The following NPPB variants were observed in gnomAD, a reference collection of about 807,000 sequenced individuals.
NPPB encodes the protein natriuretic peptides B.
A neutral mutation model predicts 12.7 loss-of-function variants in NPPB; 13 were observed. The ratio of observed to expected loss-of-function variants is 1.03; its 90% CI spans 0.67 to 1.63. NPPB has a LOEUF of 1.63. Among genes scored for constraint, NPPB ranks in the 40% most tolerant of loss-of-function variants. NPPB has a pLI of 0.00. For missense variants in NPPB, 184 were observed against 172.9 expected, an observed-to-expected ratio of 1.06 and a Z score of -0.36; for synonymous variants, 66 against 74.7, an observed-to-expected ratio of 0.88 and a Z score of 0.60.
Position 11,858,861 on chromosome 1 carries a change from G to A in NPPB, c.-28C>T, listed in dbSNP as rs78453499. The A allele has an allele frequency of 1.2e-6, 2 of 1,610,238 alleles. No individual in the cohort carries two copies. Among genetic ancestry groups the A allele is most frequent in the South Asian group, 1.1e-5 (1 of 91,024 alleles). ...CTCTGGAGGGACTGCGGAGGCTGCT[G>A]CTGCTGCTTCTGCTGCTGCTGCTGC... is the stretch of plus-strand genomic sequence containing the variant. On this transcript the variant is annotated 5_prime_UTR_variant, in exon 1 of 3. Coordinates refer to ENST00000376468, the MANE Select transcript of NPPB (RefSeq NM_002521.3).
In NPPB at chr1:11,858,803, G is replaced by A. The variant is rs1645136249; in HGVS notation, c.31C>T (p.Leu11Phe). 1 of 1,614,106 alleles carries A rather than the reference G, an allele frequency of 6.2e-7. No homozygotes were observed. The highest frequency in any genetic ancestry group is 1.3e-5 in the African/African-American group (1 of 74,936). ...AGATGCAAGAAGAGCAGGAGCAGGA[G>A]CGCCCGGGAAGGTGCTGTCTGGGGA... Reference protein sequence around the residue: MDPQTAPSRALLLLLFLHLAF... With the variant: MDPQTAPSRAFLLLLFLHLAF... The change falls in exon 1 of 3, where the codon CTC becomes TTC. Residue 11 changes from leucine to phenylalanine, a missense_variant. By Grantham distance (22) the Leu-to-Phe change is conservative (BLOSUM62 0). Transcript: ENST00000376468.
rs755267902 is a variant in NPPB at position 11,858,434 on chromosome 1, C to T, written c.168G>A (p.Glu56=). ...CCAGGGATGTCTGCTCCACCTGCAG[C>T]TCCGACAGTTTGCCCTGCAAATGGT... ...QRNHLQGKLS[E]LQVEQTSLEP... The change falls in exon 2 of 3, where the codon GAG becomes GAA. Residue 56 remains glutamate, a synonymous_variant. Coordinates refer to ENST00000376468, the MANE Select transcript of NPPB (RefSeq NM_002521.3). 1 of 1,549,048 alleles carries T rather than the reference C, an allele frequency of 6.5e-7. No individual in the cohort carries two copies. Among genetic ancestry groups the T allele is most frequent in the Non-Finnish European group, 8.7e-7 (1 of 1,147,524 alleles).
chr1:11,858,308 C>A lies in NPPB; in HGVS notation c.294G>T (p.Leu98=). 6.2e-7 allele frequency: 1 copy of A among 1,614,126 alleles called. No homozygotes were observed. Among genetic ancestry groups the A allele is most frequent in the Non-Finnish European group, 8.5e-7 (1 of 1,179,986 alleles). The stretch of plus-strand genomic sequence containing the variant: ...CCATCTTGGGGCTTCGTGGTGCCCG[C>A]AGGGTGTAGAGGACCATTTTGCGGT... ...RGHRKMVLYT[L]RAPRSPKMVQ... Residue 98 remains leucine (L), a synonymous_variant, in exon 2 of 3, where the codon CTG becomes CTT. Transcript: ENST00000376468.
At chr1:11,858,526 T>C (rs1645134907) in intron 1 of NPPB, 57 bp from the exon 2 acceptor site, 1 of 1,541,884 alleles carries the variant, frequency 6.5e-7, no homozygotes, top group African/African-American at 1.4e-5. Context: ...TCACCAGCCC[T>C]TCATGGCACC....
At chr1:11,858,655 C>T (rs574844256) in intron 1 of NPPB, 47 bp downstream of exon 1, 2 of 1,613,758 alleles carry the variant, frequency 1.2e-6, no homozygotes, top group East Asian at 2.2e-5. Flanking sequence ...GGTGAGGACC[C>T]TTTCATTGCT....
Position 11,858,160 on chromosome 1 carries a change from C to CTT in NPPB, c.388+53_388+54insAA. 3 of 1,485,538 alleles carry CTT rather than the reference C, an allele frequency of 2.0e-6. No homozygotes were observed. The South Asian group carries it at 3.9e-5, about 19-fold the overall frequency. 92.0% of individuals were successfully genotyped at this position (1,485,538 alleles called of 1,614,324 possible). On this transcript the variant is annotated intron_variant, in intron 2 of 2. Transcript: ENST00000376468. The stretch of plus-strand genomic sequence containing the variant: ...ACAACAAACCCCAAAGTGACTCTAA[C>CTT]AGTGTCACACACTGGAATGGGGGAA...
rs778299284 is a variant in NPPB, at chr1:11,858,280, G to A, written c.322C>T (p.Gln108Ter). ...LRAPRSPKMV[Q>*]GSGCFGRKMD... ...TTCCTCCCAAAGCAGCCAGACCCTT[G>A]CACCATCTTGGGGCTTCGTGGTGCC... The change falls in exon 2 of 3, where the codon CAA becomes TAA. Residue 108 changes from glutamine to a stop codon, truncating the protein, a stop_gained. Coordinates refer to ENST00000376468, the MANE Select transcript of NPPB (RefSeq NM_002521.3). LOFTEE classifies it high-confidence loss of function. 5 of 1,613,984 alleles carry A rather than the reference G, an allele frequency of 3.1e-6. No individual in the cohort carries two copies. The Admixed American group carries it at 6.7e-5, about 22-fold the overall frequency.
At chr1:11,857,754 A>G in intron 2 of NPPB, 83 bp from the exon 3 acceptor site, 1 of 1,404,210 alleles carries the variant, frequency 7.1e-7, no homozygotes, top group African/African-American at 1.4e-5. Flanking sequence ...TGTGCCACCC[A>G]CCACCCTGTT....
chr1:11,858,739 G>A lies in NPPB; in HGVS notation c.95C>T (p.Pro32Leu), dbSNP rs748837558. 6.2e-7 allele frequency: 1 copy of A among 1,614,176 alleles called. No homozygotes were observed. Among genetic ancestry groups the A allele is most frequent in the South Asian group, 1.1e-5 (1 of 91,084 alleles). ...CGTTTCCAAGTCCGAGGCTGAACCG[G>A]GGCTGCCCAGCGGGTGGGAACGACC... The part of the protein sequence containing the change: ...LGGRSHPLGS[P>L]GSASDLETSG... Residue 32 changes from proline (P) to leucine (L), a missense_variant, in exon 1 of 3, where the codon CCC (proline) becomes CTC (leucine). Physicochemically the swap from Pro to Leu is moderately conservative, Grantham distance 98 (BLOSUM62 -3). Coordinates refer to ENST00000376468, the MANE Select transcript of NPPB (RefSeq NM_002521.3).
At chr1:11,857,970 G>A (rs1296720363) in intron 2 of NPPB, among the ~76,000 whole-genome samples, 1 of 152,314 alleles carries the variant, frequency 6.6e-6, no homozygotes, top group South Asian at 2.1e-4. Flanking sequence ...AGGAGATTCT[G>A]CCCCTTTGAT....
Position 11,858,769 on chromosome 1 carries a change from AG to A in NPPB, c.64del (p.Leu22TrpfsTer61). ...LLLLFLHLAF[L>X]GGRSHPLGSP... ...GCCCAGCGGGTGGGAACGACCTCCC[AG>A]GAAAGCCAGATGCAAGAAGAGCAGG... On this transcript the variant is annotated frameshift_variant, in exon 1 of 3. Coordinates refer to ENST00000376468, the MANE Select transcript of NPPB (RefSeq NM_002521.3). LOFTEE classifies it high-confidence loss of function. 1 of 1,614,150 alleles carries A rather than the reference AG, an allele frequency of 6.2e-7. No individual in the cohort carries two copies. The highest frequency in any genetic ancestry group is 8.5e-7 in the Non-Finnish European group (1 of 1,180,018).
intron 2 of NPPB, 121 bp downstream of exon 2, chr1:11,858,093 G>T: frequency 1.1e-6 from 1 of 950,538 alleles, no homozygotes; most frequent in Non-Finnish European, 1.6e-6. Flanking sequence ...AAGAGGAAGC[G>T]ATGTCCAGGT....
chr1:11,858,477 G>T lies in NPPB; in HGVS notation c.133-8C>A. ...CAAATGGTTGCGCTGCTCCTGCAAT[G>T]AATGGGGGCGTCCAAGCCTCAGGGA... On this transcript the variant is annotated splice_region_variant and splice_polypyrimidine_tract_variant and intron_variant, in intron 1 of 2. Transcript: ENST00000376468. 1 of 1,533,716 alleles carries T rather than the reference G, an allele frequency of 6.5e-7. No individual in the cohort carries two copies. The highest frequency in any genetic ancestry group is 1.3e-5 in the South Asian group (1 of 77,812).
chr1:11,858,196 G>A lies in NPPB; in HGVS notation c.388+18C>T, dbSNP rs374739031. Reference sequence around the variant, plus strand: ...ACTGGAATGGGGGAAGGCGGCCGGGGTGGCAGGGGGTGCTTACCTTTGCAG... The same window carrying A: ...ACTGGAATGGGGGAAGGCGGCCGGGATGGCAGGGGGTGCTTACCTTTGCAG... On this transcript the variant is annotated intron_variant, in intron 2 of 2. Transcript: ENST00000376468. 31 of 1,578,384 alleles carry A rather than the reference G, an allele frequency of 2.0e-5. No homozygotes were observed. The highest frequency in any genetic ancestry group is 2.6e-5 in the Non-Finnish European group (30 of 1,159,826).
chr1:11,857,672 C>T lies in NPPB; in HGVS notation c.389-1G>A, dbSNP rs773286562. ...ACTTCCTCTTAATGCCGCCTCAGCA[C>T]TGTCAGGGAAAGAGAGAGGGTGATG... On this transcript the variant is annotated splice_acceptor_variant, in intron 2 of 2. Transcript: ENST00000376468. LOFTEE classifies it high-confidence loss of function. 26 of 1,613,992 alleles carry T rather than the reference C, an allele frequency of 1.6e-5. No homozygotes were observed. The highest frequency in any genetic ancestry group is 2.0e-5 in the Non-Finnish European group (24 of 1,179,928).
rs1347544955 is a variant in NPPB, at chr1:11,858,828, A to T, written c.6T>A (p.Asp2Glu). 1 of 1,614,002 alleles carries T rather than the reference A, an allele frequency of 6.2e-7. No individual in the cohort carries two copies. Among genetic ancestry groups the T allele is most frequent in the Admixed American group, 1.7e-5 (1 of 60,006 alleles). Reference protein sequence around the residue: MDPQTAPSRALL... With the variant: MEPQTAPSRALL... ...GCGCCCGGGAAGGTGCTGTCTGGGG[A>T]TCCATGTCTCTGGAGGGACTGCGGA... The change falls in exon 1 of 3, where the codon GAT (aspartate) becomes GAA (glutamate). Residue 2 changes from aspartate to glutamate, a missense_variant. Physicochemically the swap from Asp to Glu is conservative, Grantham distance 45 (BLOSUM62 2). Transcript: ENST00000376468.
In NPPB at chr1:11,858,709, C is replaced by G. The variant is rs765544521; in HGVS notation, c.125G>C (p.Gly42Ala). The change falls in exon 1 of 3, where the codon GGG (glycine) becomes GCG (alanine). Residue 42 changes from glycine to alanine, a missense_variant. Gly to Ala is a moderately conservative substitution (Grantham distance 60). Transcript: ENST00000376468. ...GCTGCCCTCCGCTCTCACCTGTAAC[C>G]CGGACGTTTCCAAGTCCGAGGCTGA... is the stretch of plus-strand genomic sequence containing the variant. ...PGSASDLETSGLQEQRNHLQG... is the reference protein window; with the variant it reads ...PGSASDLETSALQEQRNHLQG... 1 of 1,614,188 alleles carries G rather than the reference C, an allele frequency of 6.2e-7. No individual in the cohort carries two copies. Among genetic ancestry groups the G allele is most frequent in the South Asian group, 1.1e-5 (1 of 91,078 alleles).
chr1:11,858,598 C>T, intron 1 of NPPB, 104 bp downstream of exon 1: 1 of 1,597,084 alleles, frequency 6.3e-7, no homozygotes, highest in South Asian at 1.1e-5. Context: ...TTTCTGATTC[C>T]TTTATCACTA....
chr1:11,858,416 T>A lies in NPPB; in HGVS notation c.186A>T (p.Thr62=). 2 of 1,565,112 alleles carry A rather than the reference T, an allele frequency of 1.3e-6. No homozygotes were observed. The highest frequency in any genetic ancestry group is 2.7e-5 in the African/African-American group (2 of 73,544). The change falls in exon 2 of 3, where the codon ACA becomes ACT. Residue 62 remains threonine (T), a synonymous_variant. Transcript: ENST00000376468. ...GKLSELQVEQ[T]SLEPLQESPR... ...GGCTCTCCTGGAGGGGCTCCAGGGA[T>A]GTCTGCTCCACCTGCAGCTCCGACA...
Sources: allele counts gnomAD v4.1 joint callset (sites outside exome capture counted in the v4.1 genomes callset), GRCh38; gene constraint gnomAD v4.1.1; transcripts MANE v1.5; gene names NCBI Gene and HGNC (gene_info 2026-07-23, HGNC 2026-07-21).